The following EPHA10 variants were observed in gnomAD, a reference collection of about 807,000 sequenced individuals.
The protein encoded by EPHA10 is EPH receptor A10, also known as ephrin type-A receptor 10.
Under a neutral mutation model 109.7 loss-of-function variants are expected in EPHA10, and 120 were observed. The observed-to-expected ratio is 1.09, with a 90% CI of 0.94 to 1.27. The LOEUF (loss-of-function observed/expected upper bound fraction) is 1.27, where lower values mean the gene tolerates loss of function less well. Ranked by LOEUF, EPHA10 falls within the 50% of genes most tolerant of loss-of-function variation. The pLI is 0.00. For synonymous variants in EPHA10, 640 were observed against 618.9 expected, an observed-to-expected ratio of 1.03 and a Z score of -0.51; for missense variants, 1,396 against 1,411.1, an observed-to-expected ratio of 0.99 and a Z score of 0.17.
intron 6 of EPHA10, among the ~76,000 whole-genome samples, chr1:37,733,616 C>T (rs1646024899): frequency 6.6e-6 from 1 of 152,146 alleles, no homozygotes; most frequent in African/African-American, 2.4e-5. Flanking sequence ...CCTCAAAGTC[C>T]ATTCAGTGAG....
At chr1:37,732,779 T>C (rs1646005667) in intron 6 of EPHA10, among the ~76,000 whole-genome samples, 1 of 144,056 alleles carries the variant, frequency 6.9e-6, no homozygotes, top group Admixed American at 7.0e-5. Flanking sequence ...CCCGCCCAGG[T>C]CCAGTGGCCC....
At chr1:37,743,995 G>A (rs150484505) in intron 5 of EPHA10, among the ~76,000 whole-genome samples, 197 of 152,112 alleles carry the variant, frequency 1.3e-3, no homozygotes, top group South Asian at 4.8e-3. Context: ...TTTTTACCAC[G>A]TACAAACCTC....
intron 5 of EPHA10, among the ~76,000 whole-genome samples, chr1:37,737,552 C>G (rs1489505285): frequency 6.6e-6 from 1 of 152,136 alleles, no homozygotes; most frequent in African/African-American, 2.4e-5. Flanking sequence ...AAGTGGATAT[C>G]CACCTGCAAA....
downstream of EPHA10, chr1:37,714,130 G>A (rs934339200): frequency 6.6e-6 from 1 of 152,236 alleles, no homozygotes; most frequent in South Asian, 2.1e-4. Flanking sequence ...AACTGGCTCT[G>A]AGCACAGGCA....
At chr1:37,727,881 CCTATTCATCGAT>C (rs2148324077) in intron 7 of EPHA10, among the ~76,000 whole-genome samples, 1 of 152,294 alleles carries the variant, frequency 6.6e-6, no homozygotes, top group East Asian at 1.9e-4. Context: ...CGCTCTCAGC[CCTATTCATCGAT>C]CTATCCAATC....
At chr1:37,732,675 C>T (rs1179143593) in intron 6 of EPHA10, among the ~76,000 whole-genome samples, 35 of 151,960 alleles carry the variant, frequency 2.3e-4, no homozygotes, top group African/African-American at 2.4e-5. Flanking sequence ...GGCAACGTGC[C>T]GTAAGCAAGC....
At chr1:37,755,071 A>G (rs1569762657) in intron 3 of EPHA10, among the ~76,000 whole-genome samples, 2 of 152,282 alleles carry the variant, frequency 1.3e-5, no homozygotes, top group South Asian at 2.1e-4. Context: ...AAGTGCCAAA[A>G]TTGCAGGCGT....
chr1:37,761,524 G>A lies in EPHA10; in HGVS notation c.731C>T (p.Ser244Leu), dbSNP rs2148370986. The change falls in exon 3 of 17, where the codon TCG becomes TTG. Residue 244 changes from serine to leucine, a missense_variant. Physicochemically the swap from Ser to Leu is moderately radical, Grantham distance 145 (BLOSUM62 -2). Coordinates refer to ENST00000373048, the MANE Select transcript of EPHA10 (RefSeq NM_001099439.2). ...VEVAGTCVAH[S>L]EGEPGSPPRM... ...TGGGGGGCTGCCAGGCTCCCCTTCC[G>A]AGTGCGCCACGCACGTTCCGGCCAC... 3 of 1,599,480 alleles carry A rather than the reference G, an allele frequency of 1.9e-6. No individual in the cohort carries two copies. The highest frequency in any genetic ancestry group is 1.7e-6 in the Non-Finnish European group (2 of 1,177,974).
chr1:37,722,030 C>G, intron 10 of EPHA10, 185 bp from the exon 11 acceptor site: 1 of 540,442 alleles, frequency 1.9e-6, no homozygotes. Context: ...ACTTGAGAAG[C>G]TGAGGCAGGA....
intron 8 of EPHA10, among the ~76,000 whole-genome samples, chr1:37,725,282 A>G (rs1645869394): frequency 6.6e-6 from 1 of 152,088 alleles, no homozygotes; most frequent in Non-Finnish European, 1.5e-5. Flanking sequence ...AGGTGGGTAG[A>G]TCACCTGAGG....
chr1:37,721,745 C>T lies in EPHA10; in HGVS notation c.2061G>A (p.Gln687=), dbSNP rs1328099451. The T allele has an allele frequency of 1.2e-6, 2 of 1,612,756 alleles. No homozygotes were observed. Among genetic ancestry groups the T allele is most frequent in the South Asian group, 2.2e-5 (2 of 91,022 alleles). ...GGGCCTCGGCCAGGAAGCCGAGCCTCTGTGAGTCGGAGGCGCTGTCCCTCA... is the reference window on the plus strand; with the variant it reads ...GGGCCTCGGCCAGGAAGCCGAGCCTTTGTGAGTCGGAGGCGCTGTCCCTCA... ...HMLRDSASDS[Q]RLGFLAEALT... The change falls in exon 11 of 17, where the codon CAG becomes CAA. Residue 687 remains glutamine, a synonymous_variant. Coordinates refer to ENST00000373048, the MANE Select transcript of EPHA10 (RefSeq NM_001099439.2).
At chr1:37,729,281 G>A (rs1006769748) in intron 7 of EPHA10, among the ~76,000 whole-genome samples, 1 of 152,120 alleles carries the variant, frequency 6.6e-6, no homozygotes, top group Non-Finnish European at 1.5e-5. Context: ...CTAAGTCACT[G>A]GCACCTAGCT....
chr1:37,720,346 C>T lies in EPHA10; in HGVS notation c.2412+5G>A. The T allele has an allele frequency of 2.5e-6, 4 of 1,595,054 alleles. No individual in the cohort carries two copies. Among genetic ancestry groups the T allele is most frequent in the Non-Finnish European group, 3.4e-6 (4 of 1,170,828 alleles). ...ACAGGCAGGCTTGGCTGGGGGCGCC[C>T]TCACCATAGTGGTGTAGACAGCCTC... On this transcript the variant is annotated splice_donor_5th_base_variant and intron_variant, in intron 13 of 16. Coordinates refer to ENST00000373048, the MANE Select transcript of EPHA10 (RefSeq NM_001099439.2).
chr1:37,756,291 T>G (rs1646392093), intron 3 of EPHA10, among the ~76,000 whole-genome samples: 1 of 152,118 alleles, frequency 6.6e-6, no homozygotes, highest in South Asian at 2.1e-4. Context: ...TGTTGTGAAA[T>G]AGGAGAGCAA....
rs371968836 is a variant in EPHA10, at chr1:37,754,599, G to A, written c.851-229C>T. Among the ~76,000 whole-genome samples the A allele has an allele frequency of 4.6e-5, 7 of 151,708 alleles. No homozygotes were observed. In the East Asian group the frequency reaches 1.4e-3, roughly 30 times the overall value. On this transcript the variant is annotated intron_variant, in intron 3 of 16. Transcript: ENST00000373048. The surrounding 1 kb of genome is among the most constrained non-coding windows in gnomAD (Gnocchi z 4.5). ...ACTTTGAAACATTTTACTTTCAGCC[G>A]GGCGCGGTGGCTCATGCCTGTAATC...
Position 37,761,857 on chromosome 1 carries a change from G to C in EPHA10, c.398C>G (p.Thr133Ser), listed in dbSNP as rs964464777. ...ACGCCCACGGCCCAGGTCGGCCTCA[G>C]TTTCCAGGTAGTAGACGTTGAAGGT... ...KETFNVYYLE[T>S]EADLGRGRPR... is the part of the protein sequence containing the mutation. The change falls in exon 3 of 17, where the codon ACT becomes AGT. Residue 133 changes from threonine (T) to serine (S), a missense_variant. Thr to Ser is a moderately conservative substitution (Grantham distance 58). Transcript: ENST00000373048. 6.2e-7 allele frequency: 1 copy of C among 1,612,854 alleles called. No individual in the cohort carries two copies. Among genetic ancestry groups the C allele is most frequent in the East Asian group, 2.2e-5 (1 of 44,860 alleles).
Position 37,752,972 on chromosome 1 carries a change from A to G in EPHA10, c.1261T>C (p.Tyr421His). ...TTGAGCGCGGCCACGCGCACGGTGT[A>G]GCGCGCGCCGGGCCGCAGGTGCAGC... ...TLLHLRPGAR[Y>H]TVRVAALNGV... Residue 421 changes from tyrosine (Y) to histidine (H), a missense_variant, in exon 5 of 17, where the codon TAC (tyrosine) becomes CAC (histidine). Coordinates refer to ENST00000373048, the MANE Select transcript of EPHA10 (RefSeq NM_001099439.2). 2.4e-6 allele frequency: 3 copies of G among 1,262,802 alleles called. No homozygotes were observed. The highest frequency in any genetic ancestry group is 3.4e-5 in the East Asian group (1 of 29,280). The allele number at this position is 1,262,802 out of a possible 1,614,324, so 78.2% of individuals were successfully genotyped here. A position where few individuals can be genotyped will look rare whatever the true frequency, so the allele number is the denominator to read the frequency against.
chr1:37,752,746 G>A lies in EPHA10; in HGVS notation c.1357+130C>T, dbSNP rs1444860470. 2.4e-5 allele frequency: 12 copies of A among 508,402 alleles called. No homozygotes were observed. The East Asian group carries it at 4.8e-4, about 21-fold the overall frequency. 31.5% of individuals were successfully genotyped at this position (508,402 alleles called of 1,614,324 possible). On this transcript the variant is annotated intron_variant, in intron 5 of 16. Coordinates refer to ENST00000373048, the MANE Select transcript of EPHA10 (RefSeq NM_001099439.2). ...ACTTTGTGTCCCGGAGAGGGGCGGG[G>A]TGCGTGTACAGAGGATGGCTTCTCT...
chr1:37,734,764 G>T, intron 6 of EPHA10: 1 of 379,730 alleles, frequency 2.6e-6, no homozygotes, highest in South Asian at 1.9e-5. Flanking sequence ...TAAATGCTGT[G>T]CTACACTTTT....
Sources: gnomAD v4.1 joint callset for allele counts (sites outside exome capture counted in the v4.1 genomes callset) on GRCh38, gnomAD v4.1.1 for gene constraint, Gnocchi (gnomAD v3.1) non-coding constraint, MANE v1.5 for transcripts, NCBI Gene and HGNC (gene_info 2026-07-23, HGNC 2026-07-21) for gene names.